The following ACSS3 variants were observed in gnomAD, a reference collection of about 807,000 sequenced individuals.
ACSS3 encodes acyl-CoA synthetase short chain family member 3, also known as acyl-CoA synthetase short-chain family member 3, mitochondrial.
ACSS3 carries 64 observed loss-of-function variants against 84.2 expected under a neutral mutation model. The ratio of observed to expected loss-of-function variants is 0.76; its 90% confidence interval spans 0.62 to 0.94. ACSS3 has a LOEUF of 0.94. Ranked by LOEUF, ACSS3 falls within the 40% of genes least tolerant of loss-of-function variation. The pLI, the probability that ACSS3 is intolerant of heterozygous loss-of-function variation, is 0.00. For missense variants in ACSS3, 815 were observed against 867.6 expected (o/e 0.94, Z 0.76); for synonymous variants, 317 against 310.1 (o/e 1.02, Z -0.23).
intron 8 of ACSS3, among the ~76,000 whole-genome samples, chr12:81,185,471 T>C (rs2031202597): frequency 6.6e-6 from 1 of 151,690 alleles, no homozygotes. Flanking sequence ...ACGTTATTAC[T>C]AATAAATGAA....
chr12:81,216,731 A>G (rs1443862653), intron 9 of ACSS3, among the ~76,000 whole-genome samples, 170 bp from the exon 10 acceptor site: 1 of 152,174 alleles, frequency 6.6e-6, no homozygotes, highest in Non-Finnish European at 1.5e-5. Flanking sequence ...GATATGTTAT[A>G]AGTTACTAGA....
chr12:81,235,294 G>A (rs1180960306), intron 13 of ACSS3, among the ~76,000 whole-genome samples: 1 of 150,750 alleles, frequency 6.6e-6, no homozygotes, highest in African/African-American at 2.4e-5. Flanking sequence ...TTTTTATGAT[G>A]ATCATGGAAA....
At position 81,228,540 on chromosome 12, in the gene ACSS3, C is replaced by T. The variant is rs182946756; in HGVS notation, c.1515-2517C>T. On this transcript the variant is annotated intron_variant, in intron 11 of 15. Coordinates refer to ENST00000548058, the MANE Select transcript of ACSS3 (RefSeq NM_024560.4). ...TTATAAGAATATATTCTCTCTATTACAAATTGCTAGCACCTTATTTTTTCT... is the reference window on the plus strand; with the variant it reads ...TTATAAGAATATATTCTCTCTATTATAAATTGCTAGCACCTTATTTTTTCT... 2.2e-3 allele frequency among the ~76,000 whole-genome samples: 335 copies of T among 151,902 alleles called. 1 individual carries two copies. The highest frequency in any genetic ancestry group is 7.9e-3 in the African/African-American group (326 of 41,488).
At chr12:81,169,534 C>G (rs1235043787) in intron 7 of ACSS3, among the ~76,000 whole-genome samples, 1 of 152,094 alleles carries the variant, frequency 6.6e-6, no homozygotes, top group African/African-American at 2.4e-5. Flanking sequence ...ATCCCCTGTT[C>G]CAGTTTTACA....
intron 11 of ACSS3, among the ~76,000 whole-genome samples, chr12:81,224,683 A>T (rs776950754): frequency 6.6e-6 from 1 of 151,752 alleles, no homozygotes; most frequent in Admixed American, 6.6e-5. Flanking sequence ...GTCCAAAGTT[A>T]TTAAATGGAA....
intron 8 of ACSS3, among the ~76,000 whole-genome samples, chr12:81,179,356 A>C (rs1365105273): frequency 6.6e-6 from 1 of 151,506 alleles, no homozygotes; most frequent in African/African-American, 2.4e-5. Flanking sequence ...AAAAAGCTTC[A>C]GGACAGCAAA....
At chr12:81,123,011 G>C (rs1052897996) in intron 2 of ACSS3, among the ~76,000 whole-genome samples, 3 of 151,946 alleles carry the variant, frequency 2.0e-5, no homozygotes, top group Admixed American at 6.6e-5. Context: ...TTCCAGTCTG[G>C]CCACCCAACT....
chr12:81,253,373 C>T lies in ACSS3; in HGVS notation c.1786C>T (p.His596Tyr). ...TGGCAAGGAAGATCCCTTAAAAGGT[C>T]ATGTCCCCTTAGCACTCTGTGTATT... ...VVGKEDPLKG[H>Y]VPLALCVLRK... The change falls in exon 14 of 16, where the codon CAT (histidine) becomes TAT (tyrosine). Residue 596 changes from histidine (H) to tyrosine (Y), a missense_variant. Physicochemically the swap from His to Tyr is moderately conservative, Grantham distance 83. Coordinates refer to ENST00000548058, the MANE Select transcript of ACSS3 (RefSeq NM_024560.4). The T allele has an allele frequency of 6.2e-7, 1 of 1,613,954 alleles. No individual in the cohort carries two copies. Among genetic ancestry groups the T allele is most frequent in the South Asian group, 1.1e-5 (1 of 91,078 alleles).
chr12:81,109,448 A>G (rs1883381308), intron 1 of ACSS3, 112 bp from the exon 2 acceptor site: 2 of 1,221,712 alleles, frequency 1.6e-6, no homozygotes, highest in Admixed American at 2.7e-5. Context: ...AGAATGCACT[A>G]GGAAACATTG....
intron 7 of ACSS3, among the ~76,000 whole-genome samples, chr12:81,162,975 G>A (rs984290122): frequency 2.0e-5 from 3 of 152,074 alleles, no homozygotes; most frequent in African/African-American, 7.2e-5. Context: ...GCCTGTGTGG[G>A]GACAGGGGCT....
At chr12:81,197,556 TATG>T (rs2031896106) in intron 8 of ACSS3, among the ~76,000 whole-genome samples, 1 of 152,184 alleles carries the variant, frequency 6.6e-6, no homozygotes, top group Non-Finnish European at 1.5e-5. Context: ...TCTCCACTGC[TATG>T]ATACTTGAGT....
intron 8 of ACSS3, among the ~76,000 whole-genome samples, chr12:81,180,163 AGT>A (rs2030827869): frequency 6.6e-6 from 1 of 152,232 alleles, no homozygotes; most frequent in South Asian, 2.1e-4. Flanking sequence ...TACTCTTCTA[AGT>A]GTGAGCTAAA....
At chr12:81,199,506 T>G in intron 9 of ACSS3, 62 bp downstream of exon 9, 3 of 1,544,436 alleles carry the variant, frequency 1.9e-6, no homozygotes, top group South Asian at 2.3e-5. Flanking sequence ...CTGCAAGGAT[T>G]GGAGGAAACT....
intron 1 of ACSS3, among the ~76,000 whole-genome samples, chr12:81,102,863 A>C (rs1178695697): frequency 6.6e-6 from 1 of 152,202 alleles, no homozygotes; most frequent in Middle Eastern, 3.4e-3. Context: ...AGTCATCTGC[A>C]TTGAGAGGAG....
At position 81,259,263 on chromosome 12, in the gene ACSS3, A is replaced by C. The variant is rs145892723; in HGVS notation, c.*4341A>C. The C allele has an allele frequency of 1.1e-3, 326 of 288,864 alleles. No homozygotes were observed. Among genetic ancestry groups the C allele is most frequent in the African/African-American group, 7.0e-3 (310 of 44,220 alleles). The allele number at this position is 288,864 out of a possible 1,614,324, so 17.9% of individuals were successfully genotyped here. On this transcript the variant is annotated 3_prime_UTR_variant, in exon 16 of 16. Transcript: ENST00000548058. Reference sequence around the variant, plus strand: ...TGGAATTGTCAAATGTTTGCACTCGAGACTCCATGAACCATATATTTTATT... The same window carrying C: ...TGGAATTGTCAAATGTTTGCACTCGCGACTCCATGAACCATATATTTTATT...
intron 11 of ACSS3, among the ~76,000 whole-genome samples, chr12:81,225,528 G>A (rs1354014636): frequency 1.3e-5 from 2 of 151,816 alleles, no homozygotes; most frequent in Non-Finnish European, 2.9e-5. Context: ...CCTTGGATGG[G>A]GATAAAAACT....
intron 13 of ACSS3, among the ~76,000 whole-genome samples, chr12:81,239,528 C>G (rs1336019363): frequency 6.6e-6 from 1 of 151,818 alleles, no homozygotes; most frequent in East Asian, 1.9e-4. Flanking sequence ...GCTGGGGAGG[C>G]CTCACAATCA....
At chr12:81,136,587 G>A (rs372533571) in intron 3 of ACSS3, among the ~76,000 whole-genome samples, 28 of 152,022 alleles carry the variant, frequency 1.8e-4, no homozygotes, top group African/African-American at 6.8e-4. Flanking sequence ...TGACATAGTA[G>A]GATCCAAAAA....
At chr12:81,160,495 G>A (rs529438590) in intron 7 of ACSS3, among the ~76,000 whole-genome samples, 1 of 152,318 alleles carries the variant, frequency 6.6e-6, no homozygotes, top group East Asian at 1.9e-4. Flanking sequence ...ACTAACATAT[G>A]TGTGGTTATC....
Sources: gnomAD v4.1 joint callset for allele counts (sites outside exome capture counted in the v4.1 genomes callset) on GRCh38, gnomAD v4.1.1 for gene constraint, MANE v1.5 for transcripts, NCBI Gene and HGNC (gene_info 2026-07-23, HGNC 2026-07-21) for gene names.